Variants in RSRC1 observed in about 807,000 individuals in gnomAD.
RSRC1 encodes arginine and serine rich coiled-coil 1, also known as serine/Arginine-related protein 53.
In RSRC1, 39 loss-of-function variants were observed where a neutral mutation model predicts 49.1. The ratio of observed to expected loss-of-function variants is 0.79; its 90% CI spans 0.61 to 1.04. RSRC1 has a LOEUF of 1.04. Among genes scored for constraint, RSRC1 ranks in the 50% least tolerant of loss-of-function variants. RSRC1 has a pLI of 0.00. For synonymous variants in RSRC1, 143 were observed against 130.8 expected (o/e 1.09, Z -0.63); for missense variants, 388 against 402.4 (o/e 0.96, Z 0.31).
In RSRC1 at chr3:158,519,391, G is replaced by A. The variant is rs192686784; in HGVS notation, c.653-17701G>A. ...TCTTTACTATCTCTTGTGCTAGAAAGGGACCAGTGGCTAGTTCAGACTGAG... is the reference window on the plus strand; with the variant it reads ...TCTTTACTATCTCTTGTGCTAGAAAAGGACCAGTGGCTAGTTCAGACTGAG... On this transcript the variant is annotated intron_variant, in intron 7 of 9. Coordinates refer to ENST00000611884, the MANE Select transcript of RSRC1 (RefSeq NM_001271838.2). 7.0e-4 allele frequency among the ~76,000 whole-genome samples: 107 copies of A among 151,954 alleles called. 2 individuals are homozygous for A. The highest frequency in any genetic ancestry group is 6.6e-3 in the Admixed American group (100 of 15,214).
At chr3:158,135,973 G>A (rs1205295975) in intron 3 of RSRC1, among the ~76,000 whole-genome samples, 3 of 152,132 alleles carry the variant, frequency 2.0e-5, no homozygotes, top group African/African-American at 7.2e-5. Flanking sequence ...AGCAAGCATG[G>A]TAAAGCAGAG....
chr3:158,298,070 C>CA lies in RSRC1; in HGVS notation c.527dup (p.His176GlnfsTer6). ...TGGAAACATCAAAGCTGGATTAGAA[C>CA]ATCTGGTAAGTTCTCATTTTCTCTT... On this transcript the variant is annotated frameshift_variant, in exon 5 of 10. Coordinates refer to ENST00000611884, the MANE Select transcript of RSRC1 (RefSeq NM_001271838.2). LOFTEE classifies it high-confidence loss of function. 1 of 1,603,516 alleles carries CA rather than the reference C, an allele frequency of 6.2e-7. No homozygotes were observed. Among genetic ancestry groups the CA allele is most frequent in the Non-Finnish European group, 8.5e-7 (1 of 1,171,270 alleles).
At chr3:158,180,904 A>G (rs75936762) in intron 3 of RSRC1, among the ~76,000 whole-genome samples, 33,713 of 148,442 alleles carry the variant, frequency 0.23, 4,382 homozygotes, top group Non-Finnish European at 0.29. Flanking sequence ...TCCCAGGTTC[A>G]AGCAATTCTC....
Position 158,118,460 on chromosome 3 carries a change from T to TGCGCGC in RSRC1, c.-2-3642_-2-3641insCGCGCG, listed in dbSNP as rs1489357796. On this transcript the variant is annotated intron_variant, in intron 1 of 9. Transcript: ENST00000611884. The stretch of plus-strand genomic sequence containing the variant: ...GTGTGTGTGTGTGTGTGTGTGTGTG[T>TGCGCGC]GTGCGCGTGCGCGTGGTTTTTTTAA... 3.0e-4 allele frequency among the ~76,000 whole-genome samples: 32 copies of TGCGCGC among 105,030 alleles called. 1 individual carries two copies. The highest frequency in any genetic ancestry group is 1.4e-3 in the East Asian group (5 of 3,676). 68.9% of individuals were successfully genotyped at this position (105,030 alleles called of 152,430 possible).
At chr3:158,118,191 CT>C (rs1397195506) in intron 1 of RSRC1, among the ~76,000 whole-genome samples, 1 of 152,136 alleles carries the variant, frequency 6.6e-6, no homozygotes, top group African/African-American at 2.4e-5. Flanking sequence ...CTCAAGTGAT[CT>C]GTTTGCCTTG....
intron 6 of RSRC1, among the ~76,000 whole-genome samples, chr3:158,406,088 G>A (rs540380020): frequency 6.6e-6 from 1 of 151,958 alleles, no homozygotes; most frequent in Non-Finnish European, 1.5e-5. Context: ...TAACCAAACA[G>A]AAGAAGACAT....
chr3:158,205,602 G>C (rs761686702), intron 4 of RSRC1, among the ~76,000 whole-genome samples: 2 of 152,038 alleles, frequency 1.3e-5, no homozygotes, highest in Non-Finnish European at 2.9e-5. Flanking sequence ...AATTTTTCCA[G>C]TAGGAAAAGT....
chr3:158,479,248 ATAAT>A (rs1220794606), intron 7 of RSRC1, among the ~76,000 whole-genome samples: 6 of 148,548 alleles, frequency 4.0e-5, no homozygotes, highest in African/African-American at 9.8e-5. Context: ...TGTTTTTAAA[ATAAT>A]TAAATATAAT....
In RSRC1 at chr3:158,386,594, A is replaced by C. The variant is rs138101352; in HGVS notation, c.583+31686A>C. Among the ~76,000 whole-genome samples, 320 of 152,190 alleles carry C rather than the reference A, an allele frequency of 2.1e-3. 1 individual carries two copies. Among genetic ancestry groups the C allele is most frequent in the Admixed American group, 3.1e-3 (48 of 15,284 alleles). On this transcript the variant is annotated intron_variant, in intron 6 of 9. Coordinates refer to ENST00000611884, the MANE Select transcript of RSRC1 (RefSeq NM_001271838.2). ...CTATTATTATGAAACTAAGGACCTC[A>C]ATATGGCCAAGCTGTTGTTTAATTT... is the stretch of plus-strand genomic sequence containing the variant.
chr3:158,338,535 C>T (rs1283160019), intron 5 of RSRC1, among the ~76,000 whole-genome samples: 4 of 152,158 alleles, frequency 2.6e-5, no homozygotes, highest in Non-Finnish European at 4.4e-5. Context: ...TGCACAGTAC[C>T]TACACTGCAA....
At chr3:158,386,748 T>A (rs537867287) in intron 6 of RSRC1, among the ~76,000 whole-genome samples, 2 of 151,960 alleles carry the variant, frequency 1.3e-5, no homozygotes, top group Non-Finnish European at 2.9e-5. Context: ...TAAATTGACT[T>A]ATATGCCTCT....
chr3:158,284,620 G>C (rs1384190742), intron 4 of RSRC1, among the ~76,000 whole-genome samples: 3 of 146,144 alleles, frequency 2.1e-5, no homozygotes, highest in African/African-American at 7.7e-5. Context: ...TTGTGGTTTT[G>C]ATTTGCATTT....
At chr3:158,353,108 A>G (rs1730965749) in intron 5 of RSRC1, among the ~76,000 whole-genome samples, 1 of 152,122 alleles carries the variant, frequency 6.6e-6, no homozygotes, top group African/African-American at 2.4e-5. Context: ...TGTTTTACCA[A>G]TTAAATATTT....
rs186601534 is a variant in RSRC1, at chr3:158,251,630, A to C, written c.495-46409A>C. On this transcript the variant is annotated intron_variant, in intron 4 of 9. Coordinates refer to ENST00000611884, the MANE Select transcript of RSRC1 (RefSeq NM_001271838.2). ...CTTTTTCAGAATGTTCACTTTTGGC[A>C]TGTAGAAATGCTACTGGTTTTTGTA... Among the ~76,000 whole-genome samples, 825 of 152,278 alleles carry C rather than the reference A, an allele frequency of 5.4e-3. 10 individuals carry two copies. Among genetic ancestry groups the C allele is most frequent in the Non-Finnish European group, 4.6e-3 (311 of 68,012 alleles).
chr3:158,118,834 T>TG (rs1277646938), intron 1 of RSRC1, among the ~76,000 whole-genome samples: 1 of 152,188 alleles, frequency 6.6e-6, no homozygotes, highest in African/African-American at 2.4e-5. Flanking sequence ...GGTGATTGGG[T>TG]GGGGGCCTGC....
intron 3 of RSRC1, among the ~76,000 whole-genome samples, chr3:158,151,641 C>T (rs1342106950): frequency 6.6e-6 from 1 of 152,094 alleles, no homozygotes; most frequent in African/African-American, 2.4e-5. Flanking sequence ...GTGGTAGGTC[C>T]TGTGCTGCGC....
chr3:158,282,884 G>A (rs1726262554), intron 4 of RSRC1, among the ~76,000 whole-genome samples: 2 of 152,196 alleles, frequency 1.3e-5, no homozygotes, highest in African/African-American at 4.8e-5. Context: ...GGGATATGAA[G>A]ACATTGATGT....
At position 158,473,424 on chromosome 3, in the gene RSRC1, A is replaced by G. The variant is rs527932741; in HGVS notation, c.652+12421A>G. Among the ~76,000 whole-genome samples, 905 of 152,256 alleles carry G rather than the reference A, an allele frequency of 5.9e-3. 3 individuals are homozygous for G. The highest frequency in any genetic ancestry group is 0.02 in the African/African-American group (850 of 41,548). ...AAACTATCGCAAGGACAAAAAACCA[A>G]ACACTGCATGTTCTTACTCATAGGT... On this transcript the variant is annotated intron_variant, in intron 7 of 9. Transcript: ENST00000611884.
intron 6 of RSRC1, among the ~76,000 whole-genome samples, chr3:158,364,107 A>G (rs1322190827): frequency 6.6e-6 from 1 of 152,212 alleles, no homozygotes; most frequent in Admixed American, 6.5e-5. Context: ...CTTCATAGCC[A>G]TGTGATCCTT....
Sources: gnomAD v4.1 joint callset for allele counts (sites outside exome capture counted in the v4.1 genomes callset) on GRCh38, gnomAD v4.1.1 for gene constraint, MANE v1.5 for transcripts, NCBI Gene and HGNC (gene_info 2026-07-23, HGNC 2026-07-21) for gene names.